CFAP47: variants seen among roughly 807,000 people sequenced by gnomAD.
The protein encoded by CFAP47 is cilia- and flagella-associated protein 47.
A neutral mutation model predicts 148.1 loss-of-function variants in CFAP47; 29 were observed. The ratio of observed to expected loss-of-function variants is 0.20; its 90% CI spans 0.15 to 0.27. The LOEUF (loss-of-function observed/expected upper bound fraction) is 0.27, where lower values mean the gene tolerates loss of function less well. Among genes scored for constraint, CFAP47 ranks in the 10% least tolerant of loss-of-function variants. The pLI is 1.00. For synonymous variants in CFAP47, 664 were observed against 577.3 expected (o/e 1.15, Z -2.15); for missense variants, 1,872 against 1,697.5 (o/e 1.10, Z -1.81).
chrX:36,144,967 C>A, intron 35 of CFAP47: 2 of 615,275 alleles, frequency 3.3e-6, no homozygotes, highest in Non-Finnish European at 4.6e-6. Flanking sequence ...CTGGGAGCCC[C>A]TATTGGCTTC....
intron 15 of CFAP47, among the ~76,000 whole-genome samples, chrX:35,986,341 T>G (rs988489963): frequency 3.7e-5 from 4 of 109,387 alleles, no homozygotes; most frequent in African/African-American, 1.3e-4. Context: ...TGTTCGTACT[T>G]TATTTTATTA....
At chrX:36,026,981 C>T (rs189688636) in intron 22 of CFAP47, among the ~76,000 whole-genome samples, 7 of 107,507 alleles carry the variant, frequency 6.5e-5, no homozygotes, top group Admixed American at 6.1e-4. Context: ...CTTCTATATC[C>T]ATTATATGCT....
At chrX:36,143,760 A>G (rs922223163) in intron 35 of CFAP47, among the ~76,000 whole-genome samples, 5 of 111,935 alleles carry the variant, frequency 4.5e-5, no homozygotes, top group African/African-American at 1.6e-4. Flanking sequence ...TATCTCAAAT[A>G]TACTCCAGTA....
Position 35,975,673 on chromosome X carries a change from T to C in CFAP47, c.2473T>C (p.Ser825Pro). The C allele has an allele frequency of 8.3e-7, 1 of 1,209,369 alleles. No homozygotes were observed. The highest frequency in any genetic ancestry group is 1.1e-6 in the Non-Finnish European group (1 of 893,770). ...DSPTIGKFWK[S>P]FTFTVNNVPS... is the part of the protein sequence containing the mutation. The stretch of plus-strand genomic sequence containing the variant: ...TTGGATGCTTTTGCTGCATTACAGG[T>C]CTTTCACCTTTACAGTGAACAATGT... Residue 825 changes from serine (S) to proline (P), a missense_variant and splice_region_variant, in exon 15 of 64, where the codon TCT (serine) becomes CCT (proline). Coordinates refer to ENST00000378653, the MANE Select transcript of CFAP47 (RefSeq NM_001304548.2).
At chrX:35,942,346 G>A (rs950216277) in intron 3 of CFAP47, among the ~76,000 whole-genome samples, 1 of 111,503 alleles carries the variant, frequency 9.0e-6, no homozygotes, top group Non-Finnish European at 1.9e-5. Context: ...TCAGTTTACT[G>A]ATTTCTTCTT....
At chrX:36,359,013 G>T (rs1338666163) in intron 60 of CFAP47, among the ~76,000 whole-genome samples, 1 of 111,959 alleles carries the variant, frequency 8.9e-6, no homozygotes. Flanking sequence ...AGTAGTTATT[G>T]TCAGTTTCTT....
intron 53 of CFAP47, among the ~76,000 whole-genome samples, chrX:36,302,589 A>G (rs1941307965): frequency 8.9e-6 from 1 of 112,201 alleles, no homozygotes; most frequent in Non-Finnish European, 1.9e-5. Context: ...CTGTACATAG[A>G]TAAAATTATG....
chrX:35,963,774 C>T (rs1027530761), intron 8 of CFAP47, among the ~76,000 whole-genome samples: 9 of 111,255 alleles, frequency 8.1e-5, no homozygotes, highest in South Asian at 3.7e-4. Context: ...CTTTGGGTTA[C>T]GTTTAACATC....
chrX:36,168,577 T>A (rs892634055), intron 39 of CFAP47, among the ~76,000 whole-genome samples: 41 of 111,846 alleles, frequency 3.7e-4, no homozygotes, highest in Non-Finnish European at 5.6e-4. Flanking sequence ...ACGCTTATTT[T>A]TTTTTGTCTT....
At chrX:36,330,896 A>T (rs1242603353) in intron 57 of CFAP47, among the ~76,000 whole-genome samples, 1 of 111,718 alleles carries the variant, frequency 9.0e-6, no homozygotes, top group Admixed American at 9.5e-5. Flanking sequence ...CATGTCACCT[A>T]TATCTACCTA....
At chrX:36,130,629 G>A (rs1938930294) in intron 33 of CFAP47, among the ~76,000 whole-genome samples, 1 of 111,058 alleles carries the variant, frequency 9.0e-6, no homozygotes, top group Non-Finnish European at 1.9e-5. Flanking sequence ...GCACTTAACA[G>A]TTTGTTGCAG....
intron 2 of CFAP47, among the ~76,000 whole-genome samples, chrX:35,933,881 A>C (rs187252595): frequency 1.8e-5 from 2 of 112,082 alleles, no homozygotes; most frequent in Non-Finnish European, 3.8e-5. Flanking sequence ...CTTTTGAGAA[A>C]TGTCTATTCA....
intron 57 of CFAP47, among the ~76,000 whole-genome samples, chrX:36,325,497 T>G: frequency 8.9e-6 from 1 of 111,733 alleles, no homozygotes; most frequent in African/African-American, 3.3e-5. Context: ...TAAACATCAC[T>G]GTTACGGAAT....
Position 36,164,662 on chromosome X carries a change from T to C in CFAP47, c.6026+3893T>C, listed in dbSNP as rs779962164. ...ATGAAAGAACTGCAGGTATTTACTG[T>C]GTACATTTTGATGAGTTTAGACATG... is the stretch of plus-strand genomic sequence containing the variant. On this transcript the variant is annotated intron_variant, in intron 39 of 63. Coordinates refer to ENST00000378653, the MANE Select transcript of CFAP47 (RefSeq NM_001304548.2). Among the ~76,000 whole-genome samples the C allele has an allele frequency of 3.3e-3, 372 of 111,732 alleles. 4 individuals carry two copies. The highest frequency in any genetic ancestry group is 0.012 in the African/African-American group (364 of 30,795).
At chrX:36,091,624 T>C (rs775903873) in intron 30 of CFAP47, among the ~76,000 whole-genome samples, 16 of 111,354 alleles carry the variant, frequency 1.4e-4, no homozygotes, top group African/African-American at 5.2e-4. Context: ...AGTTTTATGT[T>C]TCATTTCCCA....
chrX:36,163,281 C>T (rs1237622916), intron 39 of CFAP47, among the ~76,000 whole-genome samples: 2 of 111,358 alleles, frequency 1.8e-5, no homozygotes, highest in Non-Finnish European at 3.8e-5. Context: ...TAATTTAATT[C>T]GTTTATATTC....
chrX:36,336,231 TCACAGACA>T (rs1262380086), intron 57 of CFAP47, among the ~76,000 whole-genome samples: 20 of 85,109 alleles, frequency 2.3e-4, no homozygotes, highest in Middle Eastern at 6.4e-3. Context: ...TCTCTCTCTG[TCACAGACA>T]CACAGACACA....
chrX:36,366,998 C>G lies in CFAP47; in HGVS notation c.9056C>G (p.Thr3019Arg). 1 of 1,154,216 alleles carries G rather than the reference C, an allele frequency of 8.7e-7. No individual in the cohort carries two copies. The highest frequency in any genetic ancestry group is 1.2e-6 in the Non-Finnish European group (1 of 864,589). The change falls in exon 62 of 64, where the codon ACA (threonine) becomes AGA (arginine). Residue 3019 changes from threonine to arginine, a missense_variant. Transcript: ENST00000378653. ...ATAACACTGAAAATAGAGTGCGTAACAGAAGGGATCTGGAAGTTTCCCATA... is the reference window on the plus strand; with the variant it reads ...ATAACACTGAAAATAGAGTGCGTAAGAGAAGGGATCTGGAAGTTTCCCATA... Reference protein sequence around the residue: ...SHITLKIECVTEGIWKFPIML... With the variant: ...SHITLKIECVREGIWKFPIML...
intron 22 of CFAP47, among the ~76,000 whole-genome samples, chrX:36,026,256 G>A (rs1264782048): frequency 9.0e-6 from 1 of 111,330 alleles, no homozygotes; most frequent in South Asian, 3.7e-4. Flanking sequence ...CTTTTCTCCC[G>A]CCCTAGGATT....
Sources: gnomAD v4.1 joint callset for allele counts (sites outside exome capture counted in the v4.1 genomes callset) on GRCh38, gnomAD v4.1.1 for gene constraint, MANE v1.5 for transcripts, NCBI Gene and HGNC (gene_info 2026-07-23, HGNC 2026-07-21) for gene names.